The following LHPP variants were observed in gnomAD, a reference collection of about 807,000 sequenced individuals.
LHPP encodes phospholysine phosphohistidine inorganic pyrophosphate phosphatase, also known as hLHPP.
In LHPP, 24 loss-of-function variants were observed where a neutral mutation model predicts 30.3. The observed-to-expected ratio is 0.79, with a 90% CI of 0.57 to 1.11. The LOEUF is 1.11. Among genes scored for constraint, LHPP ranks in the 50% most tolerant of loss-of-function variants. The probability of loss-of-function intolerance (pLI) is 0.00; values close to 1 mark genes in which losing one functional copy is unlikely to be tolerated. For missense variants in LHPP, 356 were observed against 367.2 expected (o/e 0.97, Z 0.25); for synonymous variants, 150 against 157.1 (o/e 0.95, Z 0.34).
At chr10:124,601,253 A>G (rs1431948597) in intron 6 of LHPP, among the ~76,000 whole-genome samples, 2 of 152,202 alleles carry the variant, frequency 1.3e-5, no homozygotes, top group Non-Finnish European at 2.9e-5. Flanking sequence ...GCCCCTTTCA[A>G]GGAAGCAGCT....
chr10:124,529,375 C>G (rs1351944129), intron 6 of LHPP, among the ~76,000 whole-genome samples: 1 of 152,094 alleles, frequency 6.6e-6, no homozygotes, highest in Non-Finnish European at 1.5e-5. Flanking sequence ...CAGAAACCAA[C>G]CCATGCACCC....
intron 1 of LHPP, 79 bp from the exon 2 acceptor site, chr10:124,484,060 G>A (rs79807146): frequency 0.051 from 71,271 of 1,408,346 alleles, 2,110 homozygotes; most frequent in Middle Eastern, 0.086. Context: ...GATGCCCTTC[G>A]AGAATCACCG....
rs554322924 is a variant in LHPP at position 124,467,092 on chromosome 10, C to G, written c.125+5105C>G. Among the ~76,000 whole-genome samples the G allele has an allele frequency of 7.9e-5, 12 of 151,534 alleles. 1 individual carries two copies. The South Asian group carries it at 2.3e-3, about 29-fold the overall frequency. ...TGAGCTATGAATGTGCTACTGCACTCCAGCCTGGGTGACAGAGTGAGACTC... is the reference window on the plus strand; with the variant it reads ...TGAGCTATGAATGTGCTACTGCACTGCAGCCTGGGTGACAGAGTGAGACTC... On this transcript the variant is annotated intron_variant, in intron 1 of 6. Transcript: ENST00000368842.
intron 6 of LHPP, among the ~76,000 whole-genome samples, chr10:124,567,756 CAT>C (rs1554893467): frequency 2.0e-5 from 3 of 152,242 alleles, no homozygotes; most frequent in African/African-American, 2.4e-5. Flanking sequence ...TGTACTTACA[CAT>C]GTGCACGCGC....
chr10:124,484,070 G>T (rs554292523), intron 1 of LHPP, 69 bp from the exon 2 acceptor site: 2 of 1,486,520 alleles, frequency 1.3e-6, no homozygotes, highest in Non-Finnish European at 9.2e-7. Flanking sequence ...GAGAATCACC[G>T]CGCAACCTCC....
chr10:124,476,092 C>T (rs1055350022), intron 1 of LHPP, among the ~76,000 whole-genome samples: 2 of 152,024 alleles, frequency 1.3e-5, no homozygotes, highest in South Asian at 2.1e-4. Context: ...GGCGCAGGTA[C>T]GGGAGGGTGT....
At chr10:124,558,315 A>C (rs1299475121) in intron 6 of LHPP, among the ~76,000 whole-genome samples, 1 of 152,060 alleles carries the variant, frequency 6.6e-6, no homozygotes, top group Non-Finnish European at 1.5e-5. Flanking sequence ...CCTAGTTGGC[A>C]CTCCCAGTGG....
At position 124,488,578 on chromosome 10, in the gene LHPP, A is replaced by C; in HGVS notation, c.467+3A>C. 1.2e-6 allele frequency: 2 copies of C among 1,607,380 alleles called. No individual in the cohort carries two copies. The highest frequency in any genetic ancestry group is 4.5e-5 in the East Asian group (2 of 44,522). On this transcript the variant is annotated splice_donor_region_variant and intron_variant, in intron 3 of 6. Transcript: ENST00000368842. ...GTGCTCATATCACTGGGAAAAGGGT[A>C]AGTTGGCTCCAGGGAGAGTCATTTC...
intron 5 of LHPP, among the ~76,000 whole-genome samples, chr10:124,511,017 G>A (rs1214462752): frequency 6.6e-6 from 1 of 152,224 alleles, no homozygotes; most frequent in Non-Finnish European, 1.5e-5. Flanking sequence ...GCCACTGGCT[G>A]TGTCTTGCCT....
intron 5 of LHPP, among the ~76,000 whole-genome samples, chr10:124,514,021 C>T (rs1235231013): frequency 2.0e-5 from 3 of 152,204 alleles, no homozygotes; most frequent in Admixed American, 6.5e-5. Flanking sequence ...ATTTGCTGAG[C>T]GTCAACCAAG....
At chr10:124,522,877 C>A (rs927379738) in intron 6 of LHPP, among the ~76,000 whole-genome samples, 1 of 152,164 alleles carries the variant, frequency 6.6e-6, no homozygotes, top group Non-Finnish European at 1.5e-5. Flanking sequence ...TCCAAGGTGC[C>A]CTCTCTGTCC....
In LHPP at chr10:124,572,924, G is replaced by A. The variant is rs903830789; in HGVS notation, c.717-40340G>A. 4.3e-4 allele frequency among the ~76,000 whole-genome samples: 66 copies of A among 152,188 alleles called. 1 individual carries two copies. Among genetic ancestry groups the A allele is most frequent in the Admixed American group, 1.3e-4 (2 of 15,282 alleles). Reference sequence around the variant, plus strand: ...TTGCTGGGATCATAGCAGAATATCAGCTCCACCAATCCTGGTTCCTCAATG... The same window carrying A: ...TTGCTGGGATCATAGCAGAATATCAACTCCACCAATCCTGGTTCCTCAATG... On this transcript the variant is annotated intron_variant, in intron 6 of 6. Transcript: ENST00000368842.
intron 6 of LHPP, chr10:124,526,240 A>T: frequency 2.0e-6 from 2 of 985,352 alleles, no homozygotes; most frequent in Non-Finnish European, 2.4e-6. Context: ...CGCGTTCCCC[A>T]GGAGCTGGAA....
chr10:124,463,653 G>A (rs922932411), intron 1 of LHPP, among the ~76,000 whole-genome samples: 9 of 150,996 alleles, frequency 6.0e-5, no homozygotes, highest in African/African-American at 2.2e-4. Context: ...GTGAGCCACC[G>A]CACCTGGCTG....
At chr10:124,545,360 C>G (rs1335864105) in intron 6 of LHPP, among the ~76,000 whole-genome samples, 1 of 152,226 alleles carries the variant, frequency 6.6e-6, no homozygotes, top group Non-Finnish European at 1.5e-5. Flanking sequence ...GGTCCCTGCT[C>G]AGAGCTCCCC....
At chr10:124,493,201 TAGG>T (rs772989853) in intron 3 of LHPP, among the ~76,000 whole-genome samples, 10 of 151,776 alleles carry the variant, frequency 6.6e-5, no homozygotes, top group Non-Finnish European at 1.3e-4. Context: ...TTTTTTAAAG[TAGG>T]AGATTAGTGG....
rs936562422 is a variant in LHPP at position 124,573,255 on chromosome 10, A to G, written c.717-40009A>G. On this transcript the variant is annotated intron_variant, in intron 6 of 6. Transcript: ENST00000368842. The stretch of plus-strand genomic sequence containing the variant: ...TGTGAACACCTCACACATCTGTGGT[A>G]CATTTGTTACAACCAAGAAACTGAC... Among the ~76,000 whole-genome samples, 7 of 152,358 alleles carry G rather than the reference A, an allele frequency of 4.6e-5. No individual in the cohort carries two copies. In the South Asian group the frequency reaches 1.4e-3, roughly 32 times the overall value.
chr10:124,596,189 T>A lies in LHPP; in HGVS notation c.717-17075T>A, dbSNP rs1195876634. 2.0e-5 allele frequency among the ~76,000 whole-genome samples: 3 copies of A among 151,982 alleles called. No homozygotes were observed. The highest frequency in any genetic ancestry group is 4.4e-5 in the Non-Finnish European group (3 of 67,990). On this transcript the variant is annotated intron_variant, in intron 6 of 6. Coordinates refer to ENST00000368842, the MANE Select transcript of LHPP (RefSeq NM_022126.4). This position sits in a 1 kb window ranked among gnomAD's most constrained non-coding sequence, Gnocchi z 4.6. ...CACATGGGCTGTTTCTGGCTTGGGG[T>A]CCTTATGAACAGAGCTGATCAGAAC... is the stretch of plus-strand genomic sequence containing the variant.
intron 6 of LHPP, among the ~76,000 whole-genome samples, chr10:124,550,354 G>A (rs1173078821): frequency 2.6e-5 from 4 of 152,206 alleles, no homozygotes; most frequent in African/African-American, 7.2e-5. Flanking sequence ...CTTCTCCCCC[G>A]ACACAAGGCA....
Sources: gnomAD v4.1 joint callset for allele counts (sites outside exome capture counted in the v4.1 genomes callset) on GRCh38, gnomAD v4.1.1 for gene constraint, Gnocchi (gnomAD v3.1) non-coding constraint, MANE v1.5 for transcripts, NCBI Gene and HGNC (gene_info 2026-07-23, HGNC 2026-07-21) for gene names.